MAPK4: variants seen among roughly 807,000 people sequenced by gnomAD.
MAPK4 encodes the protein Erk3-related.
Under a neutral mutation model 47.7 loss-of-function variants are expected in MAPK4, and 22 were observed. The observed-to-expected ratio is 0.46, with a 90% CI of 0.33 to 0.66. The LOEUF (loss-of-function observed/expected upper bound fraction) is 0.66. Ranked by LOEUF, MAPK4 falls within the 30% of genes least tolerant of loss-of-function variation. The probability of loss-of-function intolerance (pLI) is 0.02; values close to 1 mark genes in which losing one functional copy is unlikely to be tolerated. For missense variants in MAPK4, 736 were observed against 831.7 expected (o/e 0.88, Z 1.42); for synonymous variants, 390 against 365.7 (o/e 1.07, Z -0.76).
intron 1 of MAPK4, among the ~76,000 whole-genome samples, chr18:50,627,751 C>G (rs2042792830): frequency 6.6e-6 from 1 of 152,190 alleles, no homozygotes; most frequent in South Asian, 2.1e-4. Flanking sequence ...GGAGATGACA[C>G]AGAATGCAGG....
chr18:50,713,201 CTA>C (rs1473937418), intron 2 of MAPK4, among the ~76,000 whole-genome samples: 1 of 152,206 alleles, frequency 6.6e-6, no homozygotes, highest in East Asian at 1.9e-4. Context: ...GGTGACATGA[CTA>C]TGCTTTTGTC....
chr18:50,623,864 A>C (rs1292539694), intron 1 of MAPK4, among the ~76,000 whole-genome samples: 2 of 152,118 alleles, frequency 1.3e-5, no homozygotes, highest in African/African-American at 4.8e-5. Context: ...ATTCAGCCCC[A>C]CTAGTGTCTT....
chr18:50,575,457 A>G (rs1018263997), intron 1 of MAPK4, among the ~76,000 whole-genome samples: 4 of 152,250 alleles, frequency 2.6e-5, no homozygotes, highest in Non-Finnish European at 5.9e-5. Flanking sequence ...GTTTTTAAAC[A>G]TGCTGAGAAC....
intron 1 of MAPK4, among the ~76,000 whole-genome samples, chr18:50,618,111 G>A (rs2042700114): frequency 6.6e-6 from 1 of 152,096 alleles, no homozygotes; most frequent in African/African-American, 2.4e-5. Context: ...TCTGGATCAA[G>A]CCTACATAAA....
intron 2 of MAPK4, among the ~76,000 whole-genome samples, chr18:50,709,630 CA>C (rs1052969501): frequency 6.6e-6 from 1 of 152,196 alleles, no homozygotes; most frequent in Non-Finnish European, 1.5e-5. Context: ...CATTCACAAG[CA>C]CATCTCTTGG....
chr18:50,593,275 A>G (rs1452975072), intron 1 of MAPK4, among the ~76,000 whole-genome samples: 1 of 152,126 alleles, frequency 6.6e-6, no homozygotes, highest in Non-Finnish European at 1.5e-5. Flanking sequence ...TTCATCCATT[A>G]TTGTCAGACA....
At chr18:50,603,727 T>G (rs2042560331) in intron 1 of MAPK4, among the ~76,000 whole-genome samples, 2 of 152,148 alleles carry the variant, frequency 1.3e-5, no homozygotes, top group Admixed American at 1.3e-4. Context: ...TCATTATTCC[T>G]TTTATCTTTC....
At chr18:50,577,971 G>GT (rs2042312376) in intron 1 of MAPK4, among the ~76,000 whole-genome samples, 2 of 152,140 alleles carry the variant, frequency 1.3e-5, no homozygotes. Flanking sequence ...GTAACATTAA[G>GT]GTACTCCAGC....
chr18:50,614,239 T>A (rs1352985528), intron 1 of MAPK4, among the ~76,000 whole-genome samples: 1 of 152,084 alleles, frequency 6.6e-6, no homozygotes, highest in African/African-American at 2.4e-5. Context: ...ATAACTAGTG[T>A]TCAGTTGTCA....
intron 1 of MAPK4, among the ~76,000 whole-genome samples, chr18:50,650,058 G>A (rs924335398): frequency 6.6e-6 from 1 of 152,228 alleles, no homozygotes; most frequent in Non-Finnish European, 1.5e-5. Context: ...GACTCCCAGT[G>A]CCTGGAAGAA....
In MAPK4 at chr18:50,726,130, C is replaced by T; in HGVS notation, c.1022C>T (p.Ala341Val). The T allele has an allele frequency of 3.7e-6, 6 of 1,614,158 alleles. No homozygotes were observed. The highest frequency in any genetic ancestry group is 5.1e-6 in the Non-Finnish European group (6 of 1,180,020). Residue 341 changes from alanine (A) to valine (V), a missense_variant, in exon 5 of 6, where the codon GCC becomes GTC. Physicochemically the swap from Ala to Val is moderately conservative, Grantham distance 64. Coordinates refer to ENST00000400384, the MANE Select transcript of MAPK4 (RefSeq NM_002747.4). ...GAGATCGACGACATCGTGCTGATGG[C>T]CGCTAACCAGAGCCAGCTGTCCAAC... The part of the protein sequence containing the change: ...EDEIDDIVLM[A>V]ANQSQLSNWD...
intron 1 of MAPK4, among the ~76,000 whole-genome samples, chr18:50,568,122 G>A (rs1001833654): frequency 6.6e-5 from 10 of 151,824 alleles, no homozygotes; most frequent in Non-Finnish European, 1.2e-4. Flanking sequence ...CATGAACCCA[G>A]GAGGTGGAGC....
chr18:50,722,160 G>C (rs918591371), intron 4 of MAPK4, 61 bp downstream of exon 4: 2 of 1,550,444 alleles, frequency 1.3e-6, no homozygotes, highest in Non-Finnish European at 1.7e-6. Flanking sequence ...TCCACCTTGC[G>C]GGGTAGGGGG....
At chr18:50,579,517 T>C (rs753047697) in intron 1 of MAPK4, among the ~76,000 whole-genome samples, 14 of 152,150 alleles carry the variant, frequency 9.2e-5, no homozygotes, top group African/African-American at 3.4e-4. Context: ...TTAGTCTAGA[T>C]GAGTTTGGGG....
intron 1 of MAPK4, among the ~76,000 whole-genome samples, chr18:50,636,639 T>G (rs2042891527): frequency 6.6e-6 from 1 of 152,186 alleles, no homozygotes; most frequent in African/African-American, 2.4e-5. Context: ...CTCCTGAAGA[T>G]CTATTAATAT....
intron 4 of MAPK4, among the ~76,000 whole-genome samples, chr18:50,723,573 A>C (rs1911039035): frequency 1.3e-5 from 2 of 151,914 alleles, no homozygotes; most frequent in Admixed American, 6.6e-5. Flanking sequence ...AAAAGGAAGT[A>C]TTTTCTGGGG....
intron 2 of MAPK4, among the ~76,000 whole-genome samples, chr18:50,689,856 G>T (rs1269739244): frequency 6.6e-6 from 1 of 152,182 alleles, no homozygotes; most frequent in African/African-American, 2.4e-5. Flanking sequence ...TTGACATGAA[G>T]TCTATTCACT....
intron 1 of MAPK4, among the ~76,000 whole-genome samples, chr18:50,657,548 G>A (rs1339756377): frequency 6.6e-6 from 1 of 152,178 alleles, no homozygotes; most frequent in African/African-American, 2.4e-5. Context: ...CTGGCCAACA[G>A]CTTGACCTTG....
chr18:50,679,280 C>T (rs1383756991), intron 2 of MAPK4, among the ~76,000 whole-genome samples: 1 of 152,160 alleles, frequency 6.6e-6, no homozygotes, highest in Admixed American at 6.5e-5. Flanking sequence ...GGTCTTTTGT[C>T]TTAGCCACGT....
Sources: gnomAD v4.1 joint callset for allele counts (sites outside exome capture counted in the v4.1 genomes callset) on GRCh38, gnomAD v4.1.1 for gene constraint, MANE v1.5 for transcripts, NCBI Gene and HGNC (gene_info 2026-07-23, HGNC 2026-07-21) for gene names.